SLC22A4: variants seen among roughly 807,000 people sequenced by gnomAD.
The protein encoded by SLC22A4 is solute carrier family 22 member 4, also known as ET transporter.
SLC22A4 carries 39 observed loss-of-function variants against 56.6 expected under a neutral mutation model. That is an observed-to-expected ratio of 0.69 (90% confidence interval 0.53 to 0.90). SLC22A4 has a LOEUF of 0.90. Ranked by LOEUF, SLC22A4 falls within the 40% of genes least tolerant of loss-of-function variation. SLC22A4 has a pLI of 0.00. For synonymous variants in SLC22A4, 241 were observed against 281.4 expected (o/e 0.86, Z 1.44); for missense variants, 594 against 696.5 (o/e 0.85, Z 1.66).
Position 132,313,595 on chromosome 5 carries a change from GTTATACTGCA to G in SLC22A4, c.498-16_498-7del. On this transcript the variant is annotated splice_polypyrimidine_tract_variant and intron_variant, in intron 2 of 9. Transcript: ENST00000200652. The stretch of plus-strand genomic sequence containing the variant: ...GCAACCTACACATCTCATGTTTTGT[GTTATACTGCA>G]TTCTCTAGGTTTGGCAGGAAGAACG... 1 of 1,613,646 alleles carries G rather than the reference GTTATACTGCA, an allele frequency of 6.2e-7. No homozygotes were observed.
chr5:132,309,145 T>C (rs1750116397), intron 1 of SLC22A4, among the ~76,000 whole-genome samples: 1 of 152,196 alleles, frequency 6.6e-6, no homozygotes. Context: ...AAAAGCCTTT[T>C]CTAAAGGACC....
intron 5 of SLC22A4, among the ~76,000 whole-genome samples, chr5:132,331,407 C>G (rs768273223): frequency 6.6e-6 from 1 of 152,044 alleles, no homozygotes; most frequent in Non-Finnish European, 1.5e-5. Flanking sequence ...CATGGCCCTA[C>G]CCTTCAATAG....
intron 5 of SLC22A4, among the ~76,000 whole-genome samples, chr5:132,331,418 G>A (rs1034744529): frequency 6.6e-6 from 1 of 152,110 alleles, no homozygotes; most frequent in Non-Finnish European, 1.5e-5. Flanking sequence ...CCTTCAATAG[G>A]CAGTCCTGAG....
chr5:132,324,384 T>G (rs1750623050), intron 4 of SLC22A4: 3 of 388,674 alleles, frequency 7.7e-6, no homozygotes, highest in Non-Finnish European at 1.6e-5. Context: ...GCCTCCAGAG[T>G]TTCCAGCAGA....
rs1750714778 is a variant in SLC22A4 at position 132,327,258 on chromosome 5, T to G, written c.825-19T>G. 6.6e-7 allele frequency: 1 copy of G among 1,510,372 alleles called. No homozygotes were observed. Among genetic ancestry groups the G allele is most frequent in the East Asian group, 2.5e-5 (1 of 40,384 alleles). 93.6% of individuals were successfully genotyped at this position (1,510,372 alleles called of 1,614,324 possible). ...CCTGCTGTTGTGAAAAATTATTAAA[T>G]ATTAAAAATAAATTATAGGTTCATT... is the stretch of plus-strand genomic sequence containing the variant. On this transcript the variant is annotated intron_variant, in intron 4 of 9. Transcript: ENST00000200652.
chr5:132,309,029 T>A (rs1402634320), intron 1 of SLC22A4, among the ~76,000 whole-genome samples: 1 of 152,210 alleles, frequency 6.6e-6, no homozygotes, highest in African/African-American at 2.4e-5. Flanking sequence ...GGGCCCGCCA[T>A]GTCACTGTTA....
At chr5:132,300,335 T>C (rs1203448609) in intron 1 of SLC22A4, among the ~76,000 whole-genome samples, 1 of 152,220 alleles carries the variant, frequency 6.6e-6, no homozygotes, top group Non-Finnish European at 1.5e-5. Flanking sequence ...CTAATAAATA[T>C]CTTAAGGGAG....
chr5:132,335,182 C>T (rs773923367), intron 7 of SLC22A4, among the ~76,000 whole-genome samples: 24 of 152,202 alleles, frequency 1.6e-4, no homozygotes, highest in Non-Finnish European at 2.9e-4. Flanking sequence ...ATCCCCTTCA[C>T]AGAAAGACTC....
intron 9 of SLC22A4, among the ~76,000 whole-genome samples, chr5:132,341,455 C>T (rs1048699386): frequency 6.6e-6 from 1 of 151,672 alleles, no homozygotes; most frequent in African/African-American, 2.4e-5. Context: ...TATTGTTGAG[C>T]AATAGTAATT....
intron 8 of SLC22A4, among the ~76,000 whole-genome samples, chr5:132,336,789 A>G (rs1751037424): frequency 6.6e-6 from 1 of 152,110 alleles, no homozygotes; most frequent in South Asian, 2.1e-4. Flanking sequence ...AATTATATAT[A>G]TATGTGTGTG....
intron 4 of SLC22A4, among the ~76,000 whole-genome samples, chr5:132,325,080 T>TA (rs1750653448): frequency 6.6e-6 from 1 of 152,106 alleles, no homozygotes; most frequent in African/African-American, 2.4e-5. Context: ...AAGCAGGCCA[T>TA]AGATGCAATG....
At chr5:132,333,298 CTT>C (rs1182392039) in intron 6 of SLC22A4, among the ~76,000 whole-genome samples, 1 of 152,208 alleles carries the variant, frequency 6.6e-6, no homozygotes, top group African/African-American at 2.4e-5. Flanking sequence ...AGGAAAGTGA[CTT>C]TTTATTCCAA....
intron 5 of SLC22A4, among the ~76,000 whole-genome samples, chr5:132,328,842 C>T (rs1306614114): frequency 4.5e-4 from 63 of 140,544 alleles, no homozygotes; most frequent in African/African-American, 1.6e-3. Flanking sequence ...TATATATACA[C>T]ACACACACAC....
rs1210127792 is a variant in SLC22A4, at chr5:132,318,354, T to C, written c.653-3830T>C. On this transcript the variant is annotated intron_variant, in intron 3 of 9. Transcript: ENST00000200652. ...GCATACATGATCTCAGTCTTCATAA[T>C]AATATCTCCATGAAAGACGGCTTAT... Among the ~76,000 whole-genome samples, 19 of 152,142 alleles carry C rather than the reference T, an allele frequency of 1.2e-4. 1 individual carries two copies. The highest frequency in any genetic ancestry group is 1.2e-3 in the Admixed American group (19 of 15,270).
Position 132,294,910 on chromosome 5 carries a change from G to A in SLC22A4, c.294G>A (p.Glu98=), listed in dbSNP as rs1264068026. 1.3e-6 allele frequency: 2 copies of A among 1,595,796 alleles called. No individual in the cohort carries two copies. The highest frequency in any genetic ancestry group is 1.7e-6 in the Non-Finnish European group (2 of 1,171,960). ...TIANFSALGL[E]PGRDVDLGQL... is the part of the protein sequence containing the mutation. ...CCAACTTCTCGGCGCTCGGGCTGGA[G>A]CCGGGGCGCGACGTGGACCTGGGGC... Residue 98 remains glutamate, a synonymous_variant, in exon 1 of 10, where the codon GAG becomes GAA. Transcript: ENST00000200652. This position sits in a 1 kb window ranked among gnomAD's most constrained non-coding sequence, Gnocchi z 5.6.
At chr5:132,343,696 TG>T in intron 9 of SLC22A4, 63 bp from the exon 10 acceptor site, 1 of 975,108 alleles carries the variant, frequency 1.0e-6, no homozygotes, top group Non-Finnish European at 1.6e-6. Flanking sequence ...TCAATTTGGA[TG>T]GAGCATTTTG....
chr5:132,302,938 G>A (rs1209116505), intron 1 of SLC22A4, among the ~76,000 whole-genome samples: 1 of 152,198 alleles, frequency 6.6e-6, no homozygotes, highest in Non-Finnish European at 1.5e-5. Context: ...AAGATACTGA[G>A]AACATTTTAA....
intron 1 of SLC22A4, among the ~76,000 whole-genome samples, chr5:132,309,168 G>T (rs1314679614): frequency 6.6e-6 from 1 of 152,212 alleles, no homozygotes; most frequent in Non-Finnish European, 1.5e-5. Context: ...TCTTAGGACT[G>T]GCAGCTGATT....
Position 132,313,787 on chromosome 5 carries a change from A to G in SLC22A4, c.652+19A>G, listed in dbSNP as rs765169414. 1.9e-6 allele frequency: 3 copies of G among 1,613,224 alleles called. No individual in the cohort carries two copies. In the South Asian group the frequency reaches 3.3e-5, roughly 18 times the overall value. ...ATACTAGGTAGGAATGGCTTCTGGG[A>G]CATGGGGTGCTTCCCTCTAACCCTC... On this transcript the variant is annotated intron_variant, in intron 3 of 9. Coordinates refer to ENST00000200652, the MANE Select transcript of SLC22A4 (RefSeq NM_003059.3).
Sources: gnomAD v4.1 joint callset for allele counts (sites outside exome capture counted in the v4.1 genomes callset) on GRCh38, gnomAD v4.1.1 for gene constraint, Gnocchi (gnomAD v3.1) non-coding constraint, MANE v1.5 for transcripts, NCBI Gene and HGNC (gene_info 2026-07-23, HGNC 2026-07-21) for gene names.